The following CNOT6L variants were observed in gnomAD, a reference collection of about 807,000 sequenced individuals.
CNOT6L encodes CCR4-NOT transcription complex subunit 6-like.
CNOT6L carries 7 observed loss-of-function variants against 64.0 expected under a neutral mutation model. That is an observed-to-expected ratio of 0.11 (90% CI 0.06 to 0.21). The LOEUF (loss-of-function observed/expected upper bound fraction) is 0.21. Ranked by LOEUF, CNOT6L falls within the 10% of genes least tolerant of loss-of-function variation. The pLI is 1.00. For synonymous variants in CNOT6L, 193 were observed against 243.4 expected (o/e 0.79, Z 1.93); for missense variants, 245 against 669.0 (o/e 0.37, Z 6.99).
chr4:77,782,257 GT>G (rs1728944741), intron 1 of CNOT6L, among the ~76,000 whole-genome samples: 1 of 152,098 alleles, frequency 6.6e-6, no homozygotes, highest in Non-Finnish European at 1.5e-5. Flanking sequence ...ATGTGTCTGT[GT>G]TTATCTTGCT....
chr4:77,731,000 G>C (rs1385895639), intron 9 of CNOT6L, among the ~76,000 whole-genome samples: 2 of 152,008 alleles, frequency 1.3e-5, no homozygotes, highest in East Asian at 3.8e-4. Context: ...GAGGAAATGT[G>C]CCAAGTCCTT....
chr4:77,809,690 T>C (rs1210242726), intron 1 of CNOT6L, among the ~76,000 whole-genome samples: 1 of 152,158 alleles, frequency 6.6e-6, no homozygotes. Flanking sequence ...AAGGTTGGGA[T>C]ATACTAAATT....
chr4:77,791,227 G>A (rs979730642), intron 1 of CNOT6L, among the ~76,000 whole-genome samples: 6 of 152,150 alleles, frequency 3.9e-5, no homozygotes, highest in Non-Finnish European at 8.8e-5. Flanking sequence ...AGTGCGCCAA[G>A]ATCGCGCCAC....
At chr4:77,803,921 C>T (rs763297097) in intron 1 of CNOT6L, among the ~76,000 whole-genome samples, 33 of 151,682 alleles carry the variant, frequency 2.2e-4, no homozygotes, top group Middle Eastern at 3.4e-3. Context: ...AAGAAAAAAG[C>T]GTGAGGTGTG....
chr4:77,743,591 T>A (rs1723846146), intron 7 of CNOT6L, among the ~76,000 whole-genome samples: 1 of 47,130 alleles, frequency 2.1e-5, no homozygotes, highest in Non-Finnish European at 5.1e-5. Context: ...CACAACTTTT[T>A]TTTTTTTTTT....
chr4:77,730,785 C>T (rs1722362511), intron 9 of CNOT6L, among the ~76,000 whole-genome samples: 1 of 152,150 alleles, frequency 6.6e-6, no homozygotes, highest in Admixed American at 6.6e-5. Flanking sequence ...AGTCTCACTC[C>T]TTTCTTGCTT....
At chr4:77,763,451 A>T (rs1341465173) in intron 4 of CNOT6L, among the ~76,000 whole-genome samples, 1 of 152,148 alleles carries the variant, frequency 6.6e-6, no homozygotes, top group Non-Finnish European at 1.5e-5. Flanking sequence ...AGACACTAGC[A>T]TCATAAGATT....
intron 5 of CNOT6L, among the ~76,000 whole-genome samples, chr4:77,749,393 G>A (rs974273180): frequency 1.1e-4 from 16 of 152,162 alleles, no homozygotes; most frequent in African/African-American, 3.6e-4. Flanking sequence ...CCATGGCAGA[G>A]TCACAGCAAG....
At chr4:77,737,545 C>T (rs761498489) in intron 8 of CNOT6L, among the ~76,000 whole-genome samples, 15 of 150,566 alleles carry the variant, frequency 1.0e-4, no homozygotes, top group African/African-American at 1.5e-4. Context: ...CTCAGCCTCC[C>T]GAGTAGCTGG....
chr4:77,743,751 G>A (rs899593289), intron 7 of CNOT6L, among the ~76,000 whole-genome samples: 11 of 151,648 alleles, frequency 7.3e-5, no homozygotes, highest in East Asian at 1.9e-4. Flanking sequence ...ACAGGTGCAC[G>A]CCACCTTGCC....
intron 4 of CNOT6L, among the ~76,000 whole-genome samples, chr4:77,770,687 C>A (rs1208250140): frequency 2.0e-5 from 3 of 152,194 alleles, no homozygotes; most frequent in Admixed American, 2.0e-4. Context: ...GTTCGTGAAG[C>A]AGAGCTGGTG....
intron 8 of CNOT6L, among the ~76,000 whole-genome samples, chr4:77,740,551 G>T (rs1012289856): frequency 3.3e-5 from 5 of 152,164 alleles, no homozygotes; most frequent in African/African-American, 9.7e-5. Flanking sequence ...TATTGAACTT[G>T]TCTGTACCTT....
rs79563225 is a variant in CNOT6L, at chr4:77,764,092, C to T, written c.401-7141G>A. The stretch of plus-strand genomic sequence containing the variant: ...TCCAGAACCAAACAATGCATAGTTG[C>T]CACCAACATATACTGATGCCTTTAG... On this transcript the variant is annotated intron_variant, in intron 4 of 11. Transcript: ENST00000504123. Among the ~76,000 whole-genome samples the T allele has an allele frequency of 0.013, 2,014 of 152,200 alleles. 83 individuals carry two copies. The East Asian group carries it at 0.16, about 12-fold the overall frequency.
At chr4:77,815,415 G>A (rs1296138649) in intron 1 of CNOT6L, among the ~76,000 whole-genome samples, 1 of 152,072 alleles carries the variant, frequency 6.6e-6, no homozygotes, top group East Asian at 1.9e-4. Context: ...TCAGTGATGA[G>A]AGCTTCCCCC....
chr4:77,815,856 C>A (rs549777975), intron 1 of CNOT6L, among the ~76,000 whole-genome samples: 3 of 152,274 alleles, frequency 2.0e-5, no homozygotes, highest in Non-Finnish European at 2.9e-5. Flanking sequence ...ACCAGGAGCA[C>A]CTGCACTGGA....
intron 4 of CNOT6L, among the ~76,000 whole-genome samples, chr4:77,769,314 T>C (rs1014301192): frequency 2.6e-5 from 4 of 152,156 alleles, no homozygotes; most frequent in Non-Finnish European, 5.9e-5. Context: ...ACATAAAAGG[T>C]ATAGGGGATC....
chr4:77,776,959 A>G (rs1247109967), intron 1 of CNOT6L, among the ~76,000 whole-genome samples: 3 of 152,198 alleles, frequency 2.0e-5, no homozygotes, highest in African/African-American at 7.2e-5. Context: ...CGCAACAACG[A>G]TAAGGAAAGT....
chr4:77,778,952 T>C (rs1320318268), intron 1 of CNOT6L, among the ~76,000 whole-genome samples: 103 of 145,352 alleles, frequency 7.1e-4, no homozygotes, highest in Admixed American at 2.8e-3. Flanking sequence ...GAGGCTGAGG[T>C]AGGAGAATGG....
rs1435981757 is a variant in CNOT6L at position 77,717,606 on chromosome 4, T to TATG, written c.*2822_*2824dup. ...TACTTTCATTGAATATATATATATATATGTCATTCACCTCTTCCTTTTGGC... is the reference window on the plus strand; with the variant it reads ...TACTTTCATTGAATATATATATATATATGATGTCATTCACCTCTTCCTTTTGGC... On this transcript the variant is annotated 3_prime_UTR_variant, in exon 12 of 12. Transcript: ENST00000504123. The TATG allele has an allele frequency of 6.6e-6, 1 of 152,424 alleles. No homozygotes were observed. The highest frequency in any genetic ancestry group is 1.9e-4 in the East Asian group (1 of 5,186). The allele number at this position is 152,424 out of a possible 1,614,324, so 9.4% of individuals were successfully genotyped here.
Sources: gnomAD v4.1 joint callset for allele counts (sites outside exome capture counted in the v4.1 genomes callset) on GRCh38, gnomAD v4.1.1 for gene constraint, MANE v1.5 for transcripts, NCBI Gene and HGNC (gene_info 2026-07-23, HGNC 2026-07-21) for gene names.